MSH3: variants seen among roughly 807,000 people sequenced by gnomAD.
The protein encoded by MSH3 is mutS homolog 3, also known as DNA mismatch repair protein Msh3.
In MSH3, 106 loss-of-function variants were observed where a neutral mutation model predicts 123.3. The observed-to-expected ratio is 0.86, with a 90% CI of 0.73 to 1.01. The LOEUF is 1.01. Ranked by LOEUF, MSH3 falls within the 50% of genes least tolerant of loss-of-function variation. The probability of loss-of-function intolerance (pLI) is 0.00; values close to 1 mark genes in which losing one functional copy is unlikely to be tolerated. For synonymous variants in MSH3, 515 were observed against 481.4 expected (o/e 1.07, Z -0.91); for missense variants, 1,459 against 1,347.6 (o/e 1.08, Z -1.29).
intron 20 of MSH3, among the ~76,000 whole-genome samples, chr5:80,818,558 T>G (rs1182666249): frequency 6.6e-6 from 1 of 152,046 alleles, no homozygotes; most frequent in Non-Finnish European, 1.5e-5. Flanking sequence ...AGTGAAACAT[T>G]TAAAAATTTT....
chr5:80,797,953 ACT>A lies in MSH3; in HGVS notation c.2655+5112_2655+5113del, dbSNP rs1233773291. ...CCAGGATTGTTTGTTAAACCAAATG[ACT>A]CTTTTTTTTTTAGTGGATGGATTTT... is the stretch of plus-strand genomic sequence containing the variant. On this transcript the variant is annotated intron_variant, in intron 19 of 23. Coordinates refer to ENST00000265081, the MANE Select transcript of MSH3 (RefSeq NM_002439.5). Among the ~76,000 whole-genome samples, 6 of 149,398 alleles carry A rather than the reference ACT, an allele frequency of 4.0e-5. No homozygotes were observed. The East Asian group carries it at 7.8e-4, about 19-fold the overall frequency.
At chr5:80,663,483 ACAATACTT>A (rs1749491229) in intron 2 of MSH3, among the ~76,000 whole-genome samples, 1 of 150,512 alleles carries the variant, frequency 6.6e-6, no homozygotes, top group Admixed American at 6.6e-5. Context: ...ATCAACTTTC[ACAATACTT>A]TTTTTTTTTT....
intron 19 of MSH3, among the ~76,000 whole-genome samples, chr5:80,806,043 C>G (rs1281168884): frequency 6.9e-6 from 1 of 145,206 alleles, no homozygotes; most frequent in East Asian, 2.0e-4. Context: ...TTTTTATAAA[C>G]ATTTTAAAGT....
rs1289149146 is a variant in MSH3 at position 80,744,518 on chromosome 5, A to G, written c.1666A>G (p.Thr556Ala). 1 of 1,613,122 alleles carries G rather than the reference A, an allele frequency of 6.2e-7. No homozygotes were observed. Among genetic ancestry groups the G allele is most frequent in the African/African-American group, 1.3e-5 (1 of 75,028 alleles). The change falls in exon 12 of 24, where the codon ACC becomes GCC. Residue 556 changes from threonine to alanine, a missense_variant. Coordinates refer to ENST00000265081, the MANE Select transcript of MSH3 (RefSeq NM_002439.5). ...TGGTCTTTCTTAGACTGATATGAAA[A>G]CCAAAGGAAGTTTGCTGTGGGTTTT... ...EILQNQTDMK[T>A]KGSLLWVLDH...
intron 19 of MSH3, among the ~76,000 whole-genome samples, chr5:80,806,075 T>C (rs1744885515): frequency 6.6e-6 from 1 of 152,174 alleles, no homozygotes; most frequent in African/African-American, 2.4e-5. Flanking sequence ...ATTTCAGTCA[T>C]TAATCAATCT....
chr5:80,797,714 A>G (rs543931818), intron 19 of MSH3, among the ~76,000 whole-genome samples: 2 of 152,338 alleles, frequency 1.3e-5, no homozygotes, highest in East Asian at 1.9e-4. Context: ...ATCACACAGA[A>G]AATGATAGTA....
In MSH3 at chr5:80,778,723, A is replaced by C. The variant is rs1580045445; in HGVS notation, c.2322A>C (p.Thr774=). ...IPTDWVKVGS[T]KAVSRFHSPF... Reference sequence around the variant, plus strand: ...TGTGTTCTTTCCCCTCTTCTAGCACAAAAGCTGTGAGCCGCTTTCACTCTC... The same window carrying C: ...TGTGTTCTTTCCCCTCTTCTAGCACCAAAGCTGTGAGCCGCTTTCACTCTC... Residue 774 remains threonine (T), a synonymous_variant, in exon 17 of 24, where the codon ACA becomes ACC. Coordinates refer to ENST00000265081, the MANE Select transcript of MSH3 (RefSeq NM_002439.5). 6.3e-7 allele frequency: 1 copy of C among 1,593,632 alleles called. No homozygotes were observed. The highest frequency in any genetic ancestry group is 1.7e-5 in the Admixed American group (1 of 60,000).
At chr5:80,700,594 A>G (rs955257097) in intron 8 of MSH3, among the ~76,000 whole-genome samples, 4 of 151,852 alleles carry the variant, frequency 2.6e-5, no homozygotes, top group South Asian at 2.1e-4. Flanking sequence ...TACTTTTTGT[A>G]TATCTAGCTA....
At chr5:80,679,247 CA>C (rs1429592888) in intron 8 of MSH3, among the ~76,000 whole-genome samples, 154 bp downstream of exon 8, 1 of 151,662 alleles carries the variant, frequency 6.6e-6, no homozygotes, top group Non-Finnish European at 1.5e-5. Flanking sequence ...AGTAAAACAA[CA>C]AAGCTGGGCA....
intron 20 of MSH3, among the ~76,000 whole-genome samples, chr5:80,836,147 A>G (rs1745505382): frequency 6.6e-6 from 1 of 152,260 alleles, no homozygotes; most frequent in Non-Finnish European, 1.5e-5. Flanking sequence ...ATATGGAAGC[A>G]CAAAGGAACA....
rs1745876335 is a variant in MSH3, at chr5:80,854,143, G to A, written c.2827G>A (p.Asp943Asn). 1 of 1,613,528 alleles carries A rather than the reference G, an allele frequency of 6.2e-7. No homozygotes were observed. The highest frequency in any genetic ancestry group is 8.5e-7 in the Non-Finnish European group (1 of 1,179,642). Residue 943 changes from aspartate to asparagine, a missense_variant, in exon 21 of 24, where the codon GAC becomes AAC. Coordinates refer to ENST00000265081, the MANE Select transcript of MSH3 (RefSeq NM_002439.5). ...DGIFTRMGAADNIYKGQSTFM... is the reference protein window; with the variant it reads ...DGIFTRMGAANNIYKGQSTFM... ...TCTTGCTTGTAGGATGGGTGCTGCA[G>A]ACAATATATATAAAGGACAGAGTAC...
intron 2 of MSH3, 38 bp downstream of exon 2, chr5:80,656,569 G>A: frequency 6.2e-7 from 1 of 1,613,254 alleles, no homozygotes. Flanking sequence ...CTCAGTCATG[G>A]CTCTGGTATT....
At chr5:80,778,959 A>G (rs1744359476) in intron 17 of MSH3, 123 bp downstream of exon 17, 2 of 635,186 alleles carry the variant, frequency 3.1e-6, no homozygotes, top group South Asian at 1.9e-5. Context: ...AGTTGAGTAC[A>G]TGTGTTCTCT....
chr5:80,763,550 T>C (rs1407723828), intron 13 of MSH3, among the ~76,000 whole-genome samples: 4 of 152,236 alleles, frequency 2.6e-5, no homozygotes, highest in Admixed American at 1.3e-4. Context: ...TGAAAATTGA[T>C]GCATATTAAC....
At chr5:80,679,932 C>G (rs1749934154) in intron 8 of MSH3, among the ~76,000 whole-genome samples, 1 of 152,016 alleles carries the variant, frequency 6.6e-6, no homozygotes. Flanking sequence ...GCAGAGAAGC[C>G]CATGAGGATT....
intron 8 of MSH3, among the ~76,000 whole-genome samples, chr5:80,693,634 C>CATAT (rs1750399031): frequency 7.6e-6 from 1 of 131,442 alleles, no homozygotes; most frequent in South Asian, 2.4e-4. Context: ...TACACACACA[C>CATAT]ACACACACAC....
At chr5:80,705,859 G>A (rs1750712152) in intron 8 of MSH3, among the ~76,000 whole-genome samples, 1 of 152,020 alleles carries the variant, frequency 6.6e-6, no homozygotes, top group Admixed American at 6.6e-5. Flanking sequence ...CCACCCTGAT[G>A]GCCTCACTTT....
intron 13 of MSH3, among the ~76,000 whole-genome samples, chr5:80,766,330 GT>G (rs869274801): frequency 1.7e-5 from 2 of 117,078 alleles, no homozygotes; most frequent in Non-Finnish European, 3.6e-5. Flanking sequence ...TTTCTAGTGT[GT>G]TTTTTTCCTT....
intron 20 of MSH3, among the ~76,000 whole-genome samples, chr5:80,835,556 C>T (rs2112083836): frequency 6.6e-6 from 1 of 152,220 alleles, no homozygotes; most frequent in Admixed American, 6.5e-5. Context: ...CATTTTTACA[C>T]TAATTAGGTC....
Sources: gnomAD v4.1 joint callset for allele counts (sites outside exome capture counted in the v4.1 genomes callset) on GRCh38, gnomAD v4.1.1 for gene constraint, MANE v1.5 for transcripts, NCBI Gene and HGNC (gene_info 2026-07-23, HGNC 2026-07-21) for gene names.